The following PDE1C variants were observed in gnomAD, a reference collection of about 807,000 sequenced individuals.
PDE1C encodes dual specificity calcium/calmodulin-dependent 3',5'-cyclic nucleotide phosphodiesterase 1C.
A neutral mutation model predicts 93.1 loss-of-function variants in PDE1C; 62 were observed. That is an observed-to-expected ratio of 0.67 (90% CI 0.54 to 0.82). The LOEUF (loss-of-function observed/expected upper bound fraction) is 0.82, where lower values mean the gene tolerates loss of function less well. PDE1C is among the 40% of genes least tolerant of loss of function. The pLI is 0.00. For synonymous variants in PDE1C, 325 were observed against 310.1 expected (o/e 1.05, Z -0.50); for missense variants, 742 against 884.6 (o/e 0.84, Z 2.04).
intron 1 of PDE1C, among the ~76,000 whole-genome samples, chr7:32,389,157 C>CGTGTGTGTGTGTGTGTGTGTGTGTGT (rs575896243): frequency 2.2e-5 from 3 of 135,696 alleles, no homozygotes; most frequent in African/African-American, 5.6e-5. Context: ...TGATAGCTGA[C>CGTGTGTGTGTGTGTGTGTGTGTGTGT]GTGTGTGTGT....
chr7:31,867,565 C>T (rs375268032), intron 6 of PDE1C, among the ~76,000 whole-genome samples: 48 of 152,314 alleles, frequency 3.2e-4, no homozygotes, highest in African/African-American at 9.6e-4. Flanking sequence ...CCCACCTAGC[C>T]TGTTGTAGCC....
At chr7:32,113,620 T>C (rs1023205975) in intron 3 of PDE1C, among the ~76,000 whole-genome samples, 1 of 152,028 alleles carries the variant, frequency 6.6e-6, no homozygotes, top group Non-Finnish European at 1.5e-5. Context: ...TACTTGGTCA[T>C]GATATAGCTA....
chr7:32,086,775 A>G (rs912483421), intron 3 of PDE1C, among the ~76,000 whole-genome samples: 4 of 152,216 alleles, frequency 2.6e-5, no homozygotes, highest in African/African-American at 9.6e-5. Flanking sequence ...GATTTAATAA[A>G]TGGTGCTGGG....
rs764303622 is a variant in PDE1C, at chr7:32,070,290, T to TA, written c.101+2dup. 1.9e-6 allele frequency: 3 copies of TA among 1,614,034 alleles called. No individual in the cohort carries two copies. Among genetic ancestry groups the TA allele is most frequent in the African/African-American group, 1.3e-5 (1 of 74,934 alleles). On this transcript the variant is annotated splice_region_variant and intron_variant, in intron 1 of 17. Transcript: ENST00000396191. ...GGCAGGAGAAGTAAATAGGTATACT[T>TA]ACAGCCCGCGGAGCCGAAGCCAGAT...
chr7:32,195,487 T>C (rs1184283683), intron 2 of PDE1C, among the ~76,000 whole-genome samples: 4 of 152,184 alleles, frequency 2.6e-5, no homozygotes, highest in African/African-American at 7.2e-5. Flanking sequence ...CTCATTCAAA[T>C]TGTGTTTTCC....
chr7:31,720,069 A>G, the PDE1C span, among the ~76,000 whole-genome samples: 43 of 146,906 alleles, frequency 2.9e-4, no homozygotes, highest in African/African-American at 9.8e-4. Flanking sequence ...AGGCTGAGGC[A>G]GGAGAATGGC....
chr7:32,366,326 A>G (rs1364493067), intron 1 of PDE1C, among the ~76,000 whole-genome samples: 1 of 152,252 alleles, frequency 6.6e-6, no homozygotes, highest in Admixed American at 6.5e-5. Flanking sequence ...GACTAGCTCA[A>G]GCAAATGACA....
chr7:31,985,094 C>T (rs1783193458), intron 2 of PDE1C, among the ~76,000 whole-genome samples: 3 of 152,260 alleles, frequency 2.0e-5, no homozygotes, highest in Admixed American at 2.0e-4. Flanking sequence ...GCTATCCAGA[C>T]ACCATCAAGC....
At chr7:31,727,261 G>A in the PDE1C span, among the ~76,000 whole-genome samples, 1 of 152,148 alleles carries the variant, frequency 6.6e-6, no homozygotes, top group Non-Finnish European at 1.5e-5. Context: ...AGCTTAGCTT[G>A]TTCAACTACA....
At chr7:31,717,596 A>G in the PDE1C span, among the ~76,000 whole-genome samples, 1 of 152,346 alleles carries the variant, frequency 6.6e-6, no homozygotes, top group South Asian at 2.1e-4. Flanking sequence ...AAGCTAACCA[A>G]TCAGGCTAGA....
At chr7:31,904,643 C>T (rs1341174178) in intron 2 of PDE1C, among the ~76,000 whole-genome samples, 1 of 151,722 alleles carries the variant, frequency 6.6e-6, no homozygotes, top group Non-Finnish European at 1.5e-5. Context: ...GGTGGTCCAT[C>T]ATTTCTCTAA....
Position 32,258,050 on chromosome 7 carries a change from T to C in PDE1C, c.85+40601A>G, listed in dbSNP as rs147021364. On this transcript the variant is annotated intron_variant, in intron 1 of 18. Transcript: ENST00000396193. ...AGACACCAGGTTTCTCTGCAGAGTT[T>C]CCAGGGGCAGCAGATGAATGGAATA... Among the ~76,000 whole-genome samples, 12 of 152,324 alleles carry C rather than the reference T, an allele frequency of 7.9e-5. No homozygotes were observed. The East Asian group carries it at 2.3e-3, about 29-fold the overall frequency.
intron 3 of PDE1C, among the ~76,000 whole-genome samples, chr7:32,107,285 G>C (rs1468106626): frequency 6.7e-6 from 1 of 149,562 alleles, no homozygotes; most frequent in African/African-American, 2.5e-5. Flanking sequence ...AGGGAGGGAA[G>C]GAGGGAGGGA....
At position 32,318,650 on chromosome 7, in the gene PDE1C, T is replaced by C. The variant is rs368582140; in HGVS notation, c.311-109111A>G. Among the ~76,000 whole-genome samples the C allele has an allele frequency of 2.6e-5, 4 of 152,308 alleles. 1 individual carries two copies. The South Asian group carries it at 6.2e-4, about 24-fold the overall frequency. ...TGGTGTCTTTTCACCAGGACGCAGG[T>C]GCCTCTGTCTGCCAGCGGTGACATG... On this transcript the variant is annotated intron_variant, in intron 1 of 1. Coordinates refer to the PDE1C transcript ENST00000672256.
intron 3 of PDE1C, among the ~76,000 whole-genome samples, chr7:32,106,653 G>C (rs556075689): frequency 6.6e-6 from 1 of 152,112 alleles, no homozygotes; most frequent in Non-Finnish European, 1.5e-5. Context: ...AACAACCAGA[G>C]AGACAGAAAC....
chr7:31,896,020 TAC>T (rs1554400019), intron 2 of PDE1C, among the ~76,000 whole-genome samples: 1 of 151,274 alleles, frequency 6.6e-6, no homozygotes, highest in African/African-American at 2.4e-5. Flanking sequence ...CATACATACA[TAC>T]ACACACAAAC....
At chr7:31,621,664 A>G in the PDE1C span, among the ~76,000 whole-genome samples, 1 of 148,204 alleles carries the variant, frequency 6.7e-6, no homozygotes, top group Non-Finnish European at 1.5e-5. Flanking sequence ...GCCAAAATGT[A>G]AAGACCATCG....
At chr7:31,619,341 T>C in the PDE1C span, among the ~76,000 whole-genome samples, 6 of 152,218 alleles carry the variant, frequency 3.9e-5, no homozygotes, top group African/African-American at 7.2e-5. Flanking sequence ...CCAACAATGA[T>C]TGGTGACAAA....
chr7:31,636,029 C>G, the PDE1C span, among the ~76,000 whole-genome samples: 1 of 152,120 alleles, frequency 6.6e-6, no homozygotes, highest in South Asian at 2.1e-4. Flanking sequence ...GCAGAAGGCA[C>G]TTTTTCACAG....
Sources: gnomAD v4.1 joint callset for allele counts (sites outside exome capture counted in the v4.1 genomes callset) on GRCh38, gnomAD v4.1.1 for gene constraint, MANE v1.5 for transcripts, NCBI Gene and HGNC (gene_info 2026-07-23, HGNC 2026-07-21) for gene names.